BCLAF1: variants seen among roughly 807,000 people sequenced by gnomAD.
The protein encoded by BCLAF1 is BCL2 associated transcription factor 1.
In BCLAF1, 10 loss-of-function variants were observed where a neutral mutation model predicts 99.5. The ratio of observed to expected loss-of-function variants is 0.10; its 90% CI spans 0.06 to 0.17. The LOEUF (loss-of-function observed/expected upper bound fraction) is 0.17. BCLAF1 is among the 10% of genes least tolerant of loss of function. The pLI is 1.00. For synonymous variants in BCLAF1, 255 were observed against 370.9 expected (o/e 0.69, Z 3.59); for missense variants, 636 against 1,105.8 (o/e 0.58, Z 6.02).
chr6:136,260,964 T>C lies in BCLAF1; in HGVS notation c.*146A>G, dbSNP rs554055107. ...TACAGTCTACTATTTCTCAAGATAT[T>C]TGAAGACTTAAAACAAAATTTCTAT... On this transcript the variant is annotated 3_prime_UTR_variant, in exon 13 of 13. Coordinates refer to ENST00000531224, the MANE Select transcript of BCLAF1 (RefSeq NM_014739.3). 4.9e-6 allele frequency: 4 copies of C among 809,254 alleles called. No homozygotes were observed. The South Asian group carries it at 9.5e-5, about 19-fold the overall frequency. The allele number at this position is 809,254 out of a possible 1,614,324, so 50.1% of individuals were successfully genotyped here. A position where few individuals can be genotyped will look rare whatever the true frequency, so the allele number is the denominator to read the frequency against.
chr6:136,285,404 A>AC (rs1784998173), intron 1 of BCLAF1, among the ~76,000 whole-genome samples: 1 of 152,160 alleles, frequency 6.6e-6, no homozygotes, highest in Non-Finnish European at 1.5e-5. Flanking sequence ...AAAACAAAAG[A>AC]TGTGTTTGCC....
chr6:136,267,084 G>A lies in BCLAF1; in HGVS notation c.2489C>T (p.Pro830Leu), dbSNP rs1379304528. Reference protein sequence around the residue: ...NNSNTTFQKRPKEEEWDPEYT... With the variant: ...NNSNTTFQKRLKEEEWDPEYT... ...TTCTGGATCCCATTCCTCTTCCTTCGGTCTCTTTTGAAAAGTAGTATTTGA... is the reference window on the plus strand; with the variant it reads ...TTCTGGATCCCATTCCTCTTCCTTCAGTCTCTTTTGAAAAGTAGTATTTGA... Residue 830 changes from proline (P) to leucine (L), a missense_variant, in exon 11 of 13, where the codon CCG becomes CTG. By Grantham distance (98) the Pro-to-Leu change is moderately conservative. Transcript: ENST00000531224. The A allele has an allele frequency of 8.7e-6, 14 of 1,612,482 alleles. No individual in the cohort carries two copies. Among genetic ancestry groups the A allele is most frequent in the African/African-American group, 4.0e-5 (3 of 74,630 alleles).
rs145123398 is a variant in BCLAF1 at position 136,275,624 on chromosome 6, G to C, written c.1760C>G (p.Ser587Cys). ...HSVKKEQEFR[S>C]IFDHIKLPQA... ...TGGCAACTTAATGTGGTCAAAGATG[G>C]ATCGGAATTCTTGCTCCTTCTTGAC... The change falls in exon 6 of 13, where the codon TCC becomes TGC. Residue 587 changes from serine (S) to cysteine (C), a missense_variant. Transcript: ENST00000531224. 1 of 1,598,298 alleles carries C rather than the reference G, an allele frequency of 6.3e-7. No individual in the cohort carries two copies. The highest frequency in any genetic ancestry group is 1.3e-5 in the African/African-American group (1 of 74,180).
chr6:136,268,892 T>C (rs1260615326), intron 9 of BCLAF1, among the ~76,000 whole-genome samples: 1 of 151,962 alleles, frequency 6.6e-6, no homozygotes, highest in Non-Finnish European at 1.5e-5. Flanking sequence ...TATTTGACTC[T>C]ATGATGATCA....
intron 4 of BCLAF1, among the ~76,000 whole-genome samples, chr6:136,276,977 A>G (rs1375053285): frequency 2.0e-5 from 3 of 152,240 alleles, no homozygotes; most frequent in Non-Finnish European, 2.9e-5. Context: ...TGAAAATCAC[A>G]GAACAGTTCA....
rs574079541 is a variant in BCLAF1 at position 136,259,084 on chromosome 6, G to C, written c.*2026C>G. ...AAATATACAGGCTTTTTATATGCTT[G>C]GATCTGAAAAAGGTAACATCCACAA... On this transcript the variant is annotated 3_prime_UTR_variant, in exon 13 of 13. Coordinates refer to ENST00000531224, the MANE Select transcript of BCLAF1 (RefSeq NM_014739.3). 6.6e-6 allele frequency: 1 copy of C among 152,062 alleles called. No homozygotes were observed. Among genetic ancestry groups the C allele is most frequent in the East Asian group, 1.9e-4 (1 of 5,182 alleles). 9.4% of individuals were successfully genotyped at this position (152,062 alleles called of 1,614,324 possible).
chr6:136,288,950 C>T (rs545430046), intron 1 of BCLAF1, among the ~76,000 whole-genome samples: 2 of 152,274 alleles, frequency 1.3e-5, no homozygotes, highest in African/African-American at 4.8e-5. Flanking sequence ...TCAGAACCAC[C>T]AGCTAAGACC....
In BCLAF1 at chr6:136,276,158, T is replaced by C. The variant is rs1562250823; in HGVS notation, c.1367A>G (p.Glu456Gly). The C allele has an allele frequency of 6.2e-7, 1 of 1,613,400 alleles. No homozygotes were observed. The highest frequency in any genetic ancestry group is 8.5e-7 in the Non-Finnish European group (1 of 1,179,886). Residue 456 changes from glutamate to glycine, a missense_variant, in exon 5 of 13, where the codon GAA becomes GGA. Around this residue, in one of 9 missense-constraint regions of BCLAF1, gnomAD observed 186 missense variants for 275.3 expected, o/e 0.68. Coordinates refer to ENST00000531224, the MANE Select transcript of BCLAF1 (RefSeq NM_014739.3). ...GNRESDGFRE[E>G]KNYKLKETGY... Reference sequence around the variant, plus strand: ...AGTCTCTTTAAGTTTATAATTTTTTTCTTCTCTAAATCCATCACTTTCTCT... The same window carrying C: ...AGTCTCTTTAAGTTTATAATTTTTTCCTTCTCTAAATCCATCACTTTCTCT...
At chr6:136,274,030 G>T in intron 6 of BCLAF1, 1 of 1,284,886 alleles carries the variant, frequency 7.8e-7, no homozygotes, top group Non-Finnish European at 1.0e-6. Context: ...CAAGGGTAGT[G>T]CCTCAATCAT....
At chr6:136,272,578 A>G (rs1460654548) in intron 7 of BCLAF1, among the ~76,000 whole-genome samples, 1 of 151,926 alleles carries the variant, frequency 6.6e-6, no homozygotes, top group Non-Finnish European at 1.5e-5. Context: ...TTCATAGCCA[A>G]TATCACTGTC....
intron 1 of BCLAF1, 34 bp downstream of exon 1, chr6:136,289,679 C>T (rs1334049081): frequency 6.6e-6 from 1 of 152,622 alleles, no homozygotes; most frequent in Non-Finnish European, 1.5e-5. Context: ...TCTTCACTGC[C>T]CCTGGAGTAA....
At position 136,261,294 on chromosome 6, in the gene BCLAF1, C is replaced by T; in HGVS notation, c.2728G>A (p.Glu910Lys). Reference protein sequence around the residue: ...DEEETMENNEEKKDRRKEEKE With the variant: ...DEEETMENNEKKKDRRKEEKE ...TCTTCCTTGCGTCTGTCCTTCTTTT[C>T]TTCATTATTTTCCATGGTCTCTTCT... Residue 910 changes from glutamate to lysine, a missense_variant, in exon 12 of 13, where the codon GAA becomes AAA. Transcript: ENST00000531224. The T allele has an allele frequency of 4.3e-6, 7 of 1,613,422 alleles. No homozygotes were observed. Among genetic ancestry groups the T allele is most frequent in the Non-Finnish European group, 5.9e-6 (7 of 1,179,710 alleles).
rs1785340990 is a variant in BCLAF1 at position 136,287,735 on chromosome 6, TA to T, written c.-115+1977del. 4.6e-5 allele frequency among the ~76,000 whole-genome samples: 7 copies of T among 152,194 alleles called. No homozygotes were observed. The South Asian group carries it at 1.4e-3, about 31-fold the overall frequency. ...CTTGCTGCCCACAAAAGTTGTTTAATAAATTCAACCGAGGCCAGGCGCAGGG... is the reference window on the plus strand; with the variant it reads ...CTTGCTGCCCACAAAAGTTGTTTAATAATTCAACCGAGGCCAGGCGCAGGG... On this transcript the variant is annotated intron_variant, in intron 1 of 12. Coordinates refer to ENST00000531224, the MANE Select transcript of BCLAF1 (RefSeq NM_014739.3).
Position 136,275,894 on chromosome 6 carries a change from C to T in BCLAF1, c.1631G>A (p.Arg544His), listed in dbSNP as rs368236501. 5 of 1,612,410 alleles carry T rather than the reference C, an allele frequency of 3.1e-6. No individual in the cohort carries two copies. Among genetic ancestry groups the T allele is most frequent in the East Asian group, 2.2e-5 (1 of 44,848 alleles). ...RIKMIASDSH[R>H]PEVKLKMAPV... ...TGCCATTTTGAGTTTGACTTCAGGA[C>T]GGTGAGAATCACTCGCTATCATTTT... is the stretch of plus-strand genomic sequence containing the variant. The change falls in exon 5 of 13, where the codon CGT becomes CAT. Residue 544 changes from arginine (R) to histidine (H), a missense_variant. This residue lies in a region of BCLAF1 where 20 missense variants were observed against 66.2 expected (regional missense o/e 0.30). Transcript: ENST00000531224.
intron 8 of BCLAF1, 53 bp from the exon 9 acceptor site, chr6:136,269,665 T>C (rs199593089): frequency 2.9e-6 from 4 of 1,359,032 alleles, no homozygotes; most frequent in African/African-American, 3.0e-5. Context: ...AGAAAAAATA[T>C]ATATACACAT....
At chr6:136,261,746 C>G (rs1781035037) in intron 11 of BCLAF1, among the ~76,000 whole-genome samples, 1 of 152,074 alleles carries the variant, frequency 6.6e-6, no homozygotes, top group Non-Finnish European at 1.5e-5. Flanking sequence ...TGCTAAATTA[C>G]CACTGATTTT....
At chr6:136,282,422 T>C (rs963517533) in intron 2 of BCLAF1, among the ~76,000 whole-genome samples, 162 bp downstream of exon 2, 1 of 152,122 alleles carries the variant, frequency 6.6e-6, no homozygotes, top group Non-Finnish European at 1.5e-5. Flanking sequence ...TTCCTAAAAC[T>C]AACTTAACAT....
chr6:136,289,113 G>A (rs1208517600), intron 1 of BCLAF1, among the ~76,000 whole-genome samples: 4 of 152,226 alleles, frequency 2.6e-5, no homozygotes, highest in Admixed American at 2.6e-4. Flanking sequence ...AAACCTAGTA[G>A]CATCACAAAA....
Position 136,261,305 on chromosome 6 carries a change from T to C in BCLAF1, c.2717A>G (p.Glu906Gly), listed in dbSNP as rs1562227363. Residue 906 changes from glutamate (E) to glycine (G), a missense_variant, in exon 12 of 13, where the codon GAA (glutamate) becomes GGA (glycine). Glu to Gly is a moderately conservative substitution (Grantham distance 98). Transcript: ENST00000531224. ...TCTGTCCTTCTTTTCTTCATTATTT[T>C]CCATGGTCTCTTCTTCATCTTCAAC... ...GIVEDEEETM[E>G]NNEEKKDRRK... The C allele has an allele frequency of 1.9e-6, 3 of 1,613,922 alleles. No individual in the cohort carries two copies. The highest frequency in any genetic ancestry group is 2.5e-6 in the Non-Finnish European group (3 of 1,179,874).
Sources: allele counts gnomAD v4.1 joint callset (sites outside exome capture counted in the v4.1 genomes callset), GRCh38; gene constraint gnomAD v4.1.1; regional missense constraint gnomAD v4.1.1; transcripts MANE v1.5; gene names NCBI Gene and HGNC (gene_info 2026-07-23, HGNC 2026-07-21).